PPM1E: variants seen among roughly 807,000 people sequenced by gnomAD.
PPM1E encodes the protein protein phosphatase, Mg2+/Mn2+ dependent 1E.
In PPM1E, 20 loss-of-function variants were observed where a neutral mutation model predicts 65.9. That is an observed-to-expected ratio of 0.30 (90% CI 0.21 to 0.44). The LOEUF (loss-of-function observed/expected upper bound fraction) is 0.44. Ranked by LOEUF, PPM1E falls within the 20% of genes least tolerant of loss-of-function variation. The probability of loss-of-function intolerance (pLI) is 1.00; values close to 1 mark genes in which losing one functional copy is unlikely to be tolerated. For missense variants in PPM1E, 713 were observed against 953.1 expected, an observed-to-expected ratio of 0.75 and a Z score of 3.32; for synonymous variants, 352 against 374.9, an observed-to-expected ratio of 0.94 and a Z score of 0.70.
chr17:58,766,478 G>A (rs1417438906), intron 1 of PPM1E, among the ~76,000 whole-genome samples: 1 of 151,952 alleles, frequency 6.6e-6, no homozygotes, highest in Non-Finnish European at 1.5e-5. Flanking sequence ...GGGATTACAG[G>A]TGTGAGCTAC....
At chr17:58,787,476 G>A (rs2050111398) in intron 1 of PPM1E, among the ~76,000 whole-genome samples, 1 of 151,396 alleles carries the variant, frequency 6.6e-6, no homozygotes, top group South Asian at 2.1e-4. Flanking sequence ...ATTTTTCTCT[G>A]GAGATTTAAT....
At position 58,982,586 on chromosome 17, in the gene PPM1E, G is replaced by A; in HGVS notation, c.*1555G>A. ...TGAATTTTAAAGACACAGATGACTGGCATATTTTGGATACCAGTATAGCTA... is the reference window on the plus strand; with the variant it reads ...TGAATTTTAAAGACACAGATGACTGACATATTTTGGATACCAGTATAGCTA... On this transcript the variant is annotated 3_prime_UTR_variant, in exon 7 of 7. Transcript: ENST00000308249. 1 of 274,068 alleles carries A rather than the reference G, an allele frequency of 3.6e-6. No homozygotes were observed. Among genetic ancestry groups the A allele is most frequent in the Non-Finnish European group, 6.9e-6 (1 of 144,768 alleles). 17.0% of individuals were successfully genotyped at this position (274,068 alleles called of 1,614,324 possible). A position where few individuals can be genotyped will look rare whatever the true frequency, so the allele number is the denominator to read the frequency against.
rs543180402 is a variant in PPM1E at position 58,789,369 on chromosome 17, C to T, written c.464+32908C>T. On this transcript the variant is annotated intron_variant, in intron 1 of 6. Coordinates refer to ENST00000308249, the MANE Select transcript of PPM1E (RefSeq NM_014906.5). ...TATTCATCTATTTCTGTCACTTTTT[C>T]CTTTGAAACATGTCTCAGATTTAGT... 9.2e-5 allele frequency among the ~76,000 whole-genome samples: 14 copies of T among 152,202 alleles called. No homozygotes were observed. The South Asian group carries it at 1.0e-3, about 11-fold the overall frequency.
chr17:58,794,522 A>C (rs892577857), intron 1 of PPM1E, among the ~76,000 whole-genome samples: 1 of 152,184 alleles, frequency 6.6e-6, no homozygotes, highest in African/African-American at 2.4e-5. Context: ...GGTAATAAGC[A>C]TAGTACCCAA....
chr17:58,972,254 G>A lies in PPM1E; in HGVS notation c.1095G>A (p.Lys365=), dbSNP rs772638249. ...VRKGQAVELM[K]PHKPDREDEK... ...AGGGCCAAGCTGTTGAACTAATGAA[G>A]CCACACAAACCAGACAGAGAGGTAA... is the stretch of plus-strand genomic sequence containing the variant. The change falls in exon 5 of 7, where the codon AAG becomes AAA. Residue 365 remains lysine (K), a synonymous_variant. Transcript: ENST00000308249. 1.2e-6 allele frequency: 2 copies of A among 1,613,916 alleles called. No homozygotes were observed. The highest frequency in any genetic ancestry group is 2.7e-5 in the African/African-American group (2 of 74,918).
At chr17:58,973,545 T>A (rs1165128858) in intron 6 of PPM1E, among the ~76,000 whole-genome samples, 1 of 151,978 alleles carries the variant, frequency 6.6e-6, no homozygotes. Flanking sequence ...ACAGGCACAG[T>A]GGCTCACGCC....
chr17:58,957,209 C>T (rs1274186744), intron 2 of PPM1E, among the ~76,000 whole-genome samples: 1 of 152,152 alleles, frequency 6.6e-6, no homozygotes, highest in Non-Finnish European at 1.5e-5. Flanking sequence ...GGGTGGACTG[C>T]TACTTTGGAC....
At chr17:58,925,498 T>C (rs1250776026) in intron 1 of PPM1E, among the ~76,000 whole-genome samples, 1 of 152,094 alleles carries the variant, frequency 6.6e-6, no homozygotes, top group Non-Finnish European at 1.5e-5. Context: ...TGGAGTGCAG[T>C]GCTGTGATCT....
At chr17:58,920,634 G>C (rs2051739273) in intron 1 of PPM1E, among the ~76,000 whole-genome samples, 1 of 152,170 alleles carries the variant, frequency 6.6e-6, no homozygotes, top group Non-Finnish European at 1.5e-5. Flanking sequence ...AAATGGGTTT[G>C]ATGAAAAGGA....
chr17:58,780,098 AT>A (rs1425402607), intron 1 of PPM1E, among the ~76,000 whole-genome samples: 1 of 152,202 alleles, frequency 6.6e-6, no homozygotes, highest in Non-Finnish European at 1.5e-5. Flanking sequence ...AGTAGAATAG[AT>A]TTTCCTGGAA....
chr17:58,931,819 C>G (rs2051903629), intron 1 of PPM1E, among the ~76,000 whole-genome samples: 1 of 152,112 alleles, frequency 6.6e-6, no homozygotes, highest in South Asian at 2.1e-4. Flanking sequence ...ATATAATTTC[C>G]CTGATGCCTG....
intron 1 of PPM1E, among the ~76,000 whole-genome samples, chr17:58,784,055 C>G (rs1231266224): frequency 1.3e-5 from 2 of 151,720 alleles, no homozygotes; most frequent in Non-Finnish European, 1.5e-5. Context: ...CAGAGTCTCA[C>G]TCTGTTGCCC....
intron 1 of PPM1E, among the ~76,000 whole-genome samples, chr17:58,895,827 C>G (rs926599422): frequency 1.4e-5 from 2 of 147,276 alleles, no homozygotes; most frequent in African/African-American, 5.1e-5. Flanking sequence ...AAAAGGAGGC[C>G]GGGCGCAGTG....
chr17:58,976,727 G>C (rs1315783765), intron 6 of PPM1E, among the ~76,000 whole-genome samples: 3 of 152,158 alleles, frequency 2.0e-5, no homozygotes, highest in Non-Finnish European at 4.4e-5. Flanking sequence ...ACACCCAACA[G>C]TAGAGCAGGT....
chr17:58,835,726 G>A (rs367769737), intron 1 of PPM1E, among the ~76,000 whole-genome samples: 3 of 151,518 alleles, frequency 2.0e-5, no homozygotes, highest in South Asian at 2.1e-4. Flanking sequence ...AAAATTAGCC[G>A]TGCATGGTGG....
intron 1 of PPM1E, among the ~76,000 whole-genome samples, chr17:58,802,441 CAT>C (rs2050267878): frequency 6.6e-6 from 1 of 152,084 alleles, no homozygotes; most frequent in East Asian, 1.9e-4. Context: ...GTAGTTCTAT[CAT>C]ATAATTTGGA....
At chr17:58,877,150 G>A (rs1051059738) in intron 1 of PPM1E, among the ~76,000 whole-genome samples, 5 of 152,148 alleles carry the variant, frequency 3.3e-5, no homozygotes, top group African/African-American at 1.2e-4. Context: ...AATTTAAGAT[G>A]ACGTTTCAAA....
intron 1 of PPM1E, among the ~76,000 whole-genome samples, chr17:58,789,165 C>T (rs1274793784): frequency 6.0e-5 from 9 of 150,622 alleles, no homozygotes; most frequent in African/African-American, 2.2e-4. Context: ...CTGACTTCTA[C>T]ACCTCCAGCT....
intron 1 of PPM1E, among the ~76,000 whole-genome samples, chr17:58,939,565 A>G (rs973675490): frequency 1.3e-5 from 2 of 152,224 alleles, no homozygotes; most frequent in Non-Finnish European, 2.9e-5. Flanking sequence ...ATATGTATTC[A>G]TGAACATAAA....
Sources: allele counts gnomAD v4.1 joint callset (sites outside exome capture counted in the v4.1 genomes callset), GRCh38; gene constraint gnomAD v4.1.1; transcripts MANE v1.5; gene names NCBI Gene and HGNC (gene_info 2026-07-23, HGNC 2026-07-21).